CIDEC: variants seen among roughly 807,000 people sequenced by gnomAD.
CIDEC encodes cell death inducing DFFA like effector c.
Under a neutral mutation model 21.9 loss-of-function variants are expected in CIDEC, and 11 were observed. The ratio of observed to expected loss-of-function variants is 0.50; its 90% confidence interval spans 0.32 to 0.83. The LOEUF (loss-of-function observed/expected upper bound fraction) is 0.83, where lower values mean the gene tolerates loss of function less well. Ranked by LOEUF, CIDEC falls within the 40% of genes least tolerant of loss-of-function variation. CIDEC has a pLI of 0.04. For synonymous variants in CIDEC, 127 were observed against 124.9 expected, an observed-to-expected ratio of 1.02 and a Z score of -0.11; for missense variants, 302 against 302.3, an observed-to-expected ratio of 1.00 and a Z score of 0.01.
chr3:9,873,618 C>T (rs1243243750), intron 4 of CIDEC, among the ~76,000 whole-genome samples: 2 of 151,418 alleles, frequency 1.3e-5, no homozygotes, highest in Non-Finnish European at 2.9e-5. Context: ...TCCGTCTCAC[C>T]GTCTCAAAAA....
chr3:9,866,781 A>G lies in CIDEC; in HGVS notation c.*353T>C, dbSNP rs2082274713. On this transcript the variant is annotated 3_prime_UTR_variant, in exon 7 of 7. Coordinates refer to ENST00000336832, the MANE Select transcript of CIDEC (RefSeq NM_001321142.2). ...TAGTGCGCTTGCGAATTCACTCAGG[A>G]ATGTTCCGGGATGGGGGCCAGAAGG... 3 of 553,454 alleles carry G rather than the reference A, an allele frequency of 5.4e-6. No individual in the cohort carries two copies. The highest frequency in any genetic ancestry group is 9.7e-6 in the Non-Finnish European group (3 of 308,124). 34.3% of individuals were successfully genotyped at this position (553,454 alleles called of 1,614,324 possible).
In CIDEC at chr3:9,879,014, C is replaced by T. The variant is rs60372192; in HGVS notation, c.-98G>A. On this transcript the variant is annotated 5_prime_UTR_variant, in exon 2 of 7. Transcript: ENST00000336832. ...CTCTCCCATGGGTCCTTGAGCAATCCGAGCCCCTTCCTGAGGCTTCACAGT... is the reference window on the plus strand; with the variant it reads ...CTCTCCCATGGGTCCTTGAGCAATCTGAGCCCCTTCCTGAGGCTTCACAGT... 663 of 609,640 alleles carry T rather than the reference C, an allele frequency of 1.1e-3. 1 individual carries two copies. Among genetic ancestry groups the T allele is most frequent in the African/African-American group, 0.01 (545 of 54,428 alleles). 37.8% of individuals were successfully genotyped at this position (609,640 alleles called of 1,614,324 possible). A position where few individuals can be genotyped will look rare whatever the true frequency, so the allele number is the denominator to read the frequency against.
In CIDEC at chr3:9,878,443, G is replaced by T; in HGVS notation, c.44C>A (p.Ser15Tyr). The change falls in exon 3 of 7, where the codon TCC (serine) becomes TAC (tyrosine). Residue 15 changes from serine (S) to tyrosine (Y), a missense_variant. By Grantham distance (144) the Ser-to-Tyr change is moderately radical. Transcript: ENST00000336832. ...MKSLSLLYPK[S>Y]LSRHVSVRTS... ...CCATGACTTTCCTCACCTGGAGAGG[G>T]ACTTGGGGTAGAGAAGGCTAAGGGA... 6.2e-7 allele frequency: 1 copy of T among 1,612,726 alleles called. No individual in the cohort carries two copies. The highest frequency in any genetic ancestry group is 8.5e-7 in the Non-Finnish European group (1 of 1,178,750).
In CIDEC at chr3:9,878,739, C is replaced by T. The variant is rs890031050; in HGVS notation, c.-26+203G>A. 9.8e-6 allele frequency: 15 copies of T among 1,535,936 alleles called. No individual in the cohort carries two copies. The African/African-American group carries it at 1.5e-4, about 15-fold the overall frequency. ...TCCCCACCGGGTGCTCAGGCTCAGC[C>T]TCACTCAGCAGCTGCTGCTCCTGCC... On this transcript the variant is annotated intron_variant, in intron 2 of 6. Transcript: ENST00000336832.
At chr3:9,869,184 A>C (rs772193337) in intron 6 of CIDEC, among the ~76,000 whole-genome samples, 8 of 152,028 alleles carry the variant, frequency 5.3e-5, no homozygotes, top group Non-Finnish European at 8.8e-5. Flanking sequence ...ATCTCCTTTG[A>C]GCTGATTGTA....
At chr3:9,870,840 A>G (rs2082338283) in intron 4 of CIDEC, among the ~76,000 whole-genome samples, 2 of 152,016 alleles carry the variant, frequency 1.3e-5, no homozygotes, top group Admixed American at 1.3e-4. Context: ...GTGTCTGGCT[A>G]TGTTGCTCAG....
chr3:9,866,977 G>A lies in CIDEC; in HGVS notation c.*157C>T. ...GTTCTCCTTTGGCCAACCCACCCCA[G>A]GTTTCCAGCTCCTCCTCCTCACTCA... On this transcript the variant is annotated 3_prime_UTR_variant, in exon 7 of 7. Transcript: ENST00000336832. 1 of 854,550 alleles carries A rather than the reference G, an allele frequency of 1.2e-6. No homozygotes were observed. The highest frequency in any genetic ancestry group is 2.0e-6 in the Non-Finnish European group (1 of 504,282). 52.9% of individuals were successfully genotyped at this position (854,550 alleles called of 1,614,324 possible). A position where few individuals can be genotyped will look rare whatever the true frequency, so the allele number is the denominator to read the frequency against.
At chr3:9,878,550 A>C in intron 2 of CIDEC, 39 bp from the exon 3 acceptor site, 3 of 1,549,126 alleles carry the variant, frequency 1.9e-6, no homozygotes, top group Non-Finnish European at 2.7e-6. Flanking sequence ...GGGTGAGATG[A>C]GAGGGTTCCC....
Position 9,870,232 on chromosome 3 carries a change from C to G in CIDEC, c.298G>C (p.Ala100Pro), listed in dbSNP as rs773833255. Residue 100 changes from alanine (A) to proline (P), a missense_variant, in exon 5 of 7, where the codon GCC becomes CCC. Ala to Pro is a conservative substitution (Grantham distance 27, BLOSUM62 -1). Transcript: ENST00000336832. ...TTVETEEYFQ[A>P]LAGDTVFMVL... ...ATGAACACTGTATCCCCTGCCAGGG[C>G]TTGGAAGTACTCTTCTGTCTCTACA... 3.7e-6 allele frequency: 6 copies of G among 1,614,144 alleles called. No individual in the cohort carries two copies. Among genetic ancestry groups the G allele is most frequent in the African/African-American group, 1.3e-5 (1 of 75,056 alleles).
chr3:9,869,666 G>T (rs1294813321), intron 6 of CIDEC, among the ~76,000 whole-genome samples: 1 of 152,188 alleles, frequency 6.6e-6, no homozygotes, highest in Non-Finnish European at 1.5e-5. Flanking sequence ...ATGCATCCAG[G>T]TTCCACCAGG....
At chr3:9,870,100 C>T (rs916452676) in intron 5 of CIDEC, 31 bp from the exon 6 acceptor site, 5 of 1,614,020 alleles carry the variant, frequency 3.1e-6, no homozygotes, top group African/African-American at 2.7e-5. Context: ...GGTTAGCACC[C>T]CTTGAAGACA....
At chr3:9,869,834 C>T in intron 6 of CIDEC, 48 bp downstream of exon 6, 1 of 1,561,280 alleles carries the variant, frequency 6.4e-7, no homozygotes, top group East Asian at 2.2e-5. Context: ...TAGGGGCTCT[C>T]CCATTGCCTG....
Position 9,877,205 on chromosome 3 carries a change from C to T in CIDEC, c.68G>A (p.Arg23His), listed in dbSNP as rs1187496161. Reference protein sequence around the residue: ...PKSLSRHVSVRTSVVTQQLLS... With the variant: ...PKSLSRHVSVHTSVVTQQLLS... ...CAGCTGCTGGGTCACCACAGAGGTA[C>T]GCACTGACACATGCCTGGGGCAGTT... Residue 23 changes from arginine (R) to histidine (H), a missense_variant, in exon 4 of 7, where the codon CGT (arginine) becomes CAT (histidine). Arg to His is a conservative substitution (Grantham distance 29). Transcript: ENST00000336832. 19 of 1,550,370 alleles carry T rather than the reference C, an allele frequency of 1.2e-5. No individual in the cohort carries two copies. The highest frequency in any genetic ancestry group is 4.8e-5 in the South Asian group (4 of 84,000).
In CIDEC at chr3:9,867,016, T is replaced by G; in HGVS notation, c.*118A>C. 2.7e-6 allele frequency: 3 copies of G among 1,095,972 alleles called. No individual in the cohort carries two copies. The highest frequency in any genetic ancestry group is 4.2e-6 in the Non-Finnish European group (3 of 709,842). The allele number at this position is 1,095,972 out of a possible 1,614,324, so 67.9% of individuals were successfully genotyped here. ...CCTCCTCACTCAGGGTCCTGCGCGGTGAGGGAGGTGTGGGGAGGTTCGCGG... is the reference window on the plus strand; with the variant it reads ...CCTCCTCACTCAGGGTCCTGCGCGGGGAGGGAGGTGTGGGGAGGTTCGCGG... On this transcript the variant is annotated 3_prime_UTR_variant, in exon 7 of 7. Transcript: ENST00000336832.
chr3:9,872,764 G>A (rs2082365951), intron 4 of CIDEC, among the ~76,000 whole-genome samples: 1 of 152,052 alleles, frequency 6.6e-6, no homozygotes, highest in South Asian at 2.1e-4. Context: ...AAGTCAGGTG[G>A]ATCACCTGAG....
chr3:9,876,948 C>T, intron 4 of CIDEC, 118 bp downstream of exon 4: 1 of 824,006 alleles, frequency 1.2e-6, no homozygotes, highest in Non-Finnish European at 2.0e-6. Flanking sequence ...GTGGGCATTA[C>T]CATCTGTAGG....
Position 9,867,125 on chromosome 3 carries a change from C to T in CIDEC, c.*9G>A, listed in dbSNP as rs2082280712. 2 of 1,612,934 alleles carry T rather than the reference C, an allele frequency of 1.2e-6. No homozygotes were observed. Among genetic ancestry groups the T allele is most frequent in the South Asian group, 2.2e-5 (2 of 91,030 alleles). On this transcript the variant is annotated 3_prime_UTR_variant, in exon 7 of 7. Transcript: ENST00000336832. The stretch of plus-strand genomic sequence containing the variant: ...CTTCACTGGGGAAAGCTTCCAAGGA[C>T]TTGGGCTTTCACTGCAGTATCTTCA...
In CIDEC at chr3:9,870,466, G is replaced by T. The variant is rs746575489; in HGVS notation, c.208-144C>A. 3.2e-6 allele frequency: 5 copies of T among 1,542,558 alleles called. No homozygotes were observed. In the African/African-American group the frequency reaches 4.1e-5, roughly 13 times the overall value. Reference sequence around the variant, plus strand: ...GTACCTCTTGGCTCCTGGCTTCAGGGTTCCTAGTCTAGAATAATATTGTCC... The same window carrying T: ...GTACCTCTTGGCTCCTGGCTTCAGGTTTCCTAGTCTAGAATAATATTGTCC... On this transcript the variant is annotated intron_variant, in intron 4 of 6. Transcript: ENST00000336832.
At chr3:9,877,254 C>T in intron 3 of CIDEC, 35 bp from the exon 4 acceptor site, 1 of 1,549,244 alleles carries the variant, frequency 6.5e-7, no homozygotes, top group Non-Finnish European at 8.7e-7. Flanking sequence ...GAGCCACCCA[C>T]TTTGCCCAAC....
Sources: gnomAD v4.1 joint callset for allele counts (sites outside exome capture counted in the v4.1 genomes callset) on GRCh38, gnomAD v4.1.1 for gene constraint, MANE v1.5 for transcripts, NCBI Gene and HGNC (gene_info 2026-07-23, HGNC 2026-07-21) for gene names.